Variants in FOXN3 observed in about 807,000 individuals in gnomAD.
The protein encoded by FOXN3 is forkhead box N3.
In FOXN3, 7 loss-of-function variants were observed where a neutral mutation model predicts 38.4. That is an observed-to-expected ratio of 0.18 (90% CI 0.10 to 0.34). The LOEUF is 0.34. Ranked by LOEUF, FOXN3 falls within the 10% of genes least tolerant of loss-of-function variation. The pLI is 1.00. For missense variants in FOXN3, 456 were observed against 613.4 expected (o/e 0.74, Z 2.71); for synonymous variants, 230 against 242.2 (o/e 0.95, Z 0.47).
At chr14:89,320,851 T>C (rs904633396) in intron 3 of FOXN3, among the ~76,000 whole-genome samples, 1 of 152,240 alleles carries the variant, frequency 6.6e-6, no homozygotes, top group Non-Finnish European at 1.5e-5. Flanking sequence ...AGAACTGTTA[T>C]GCTGGCTATA....
chr14:89,487,192 C>T (rs1342085625), intron 1 of FOXN3, among the ~76,000 whole-genome samples: 1 of 152,164 alleles, frequency 6.6e-6, no homozygotes, highest in Non-Finnish European at 1.5e-5. Flanking sequence ...GTTATCAGGC[C>T]ATGGTTAACC....
chr14:89,335,122 C>G (rs1367087614), intron 3 of FOXN3, among the ~76,000 whole-genome samples: 1 of 138,144 alleles, frequency 7.2e-6, no homozygotes, highest in Admixed American at 7.4e-5. Context: ...CACACACACA[C>G]AAATGGTAAC....
intron 4 of FOXN3, among the ~76,000 whole-genome samples, chr14:89,209,304 C>T (rs970783931): frequency 6.6e-6 from 1 of 152,220 alleles, no homozygotes; most frequent in Non-Finnish European, 1.5e-5. Context: ...TGCTCCTTTA[C>T]CTTTCCCCAA....
chr14:89,502,200 T>C (rs1893816104), intron 1 of FOXN3, among the ~76,000 whole-genome samples: 1 of 152,150 alleles, frequency 6.6e-6, no homozygotes, highest in African/African-American at 2.4e-5. Context: ...TAAATGTATG[T>C]GTTTAATGGA....
At chr14:89,295,403 G>A (rs1200622670) in intron 3 of FOXN3, among the ~76,000 whole-genome samples, 1 of 152,130 alleles carries the variant, frequency 6.6e-6, no homozygotes, top group Admixed American at 6.5e-5. Context: ...AGGTATGTGT[G>A]TCTCACCTTA....
chr14:89,359,728 A>G (rs1305760343), intron 2 of FOXN3, among the ~76,000 whole-genome samples: 1 of 152,190 alleles, frequency 6.6e-6, no homozygotes, highest in African/African-American at 2.4e-5. Flanking sequence ...CAAAGGGCTT[A>G]CCACCTGCCA....
intron 4 of FOXN3, among the ~76,000 whole-genome samples, chr14:89,200,105 C>A (rs987851502): frequency 6.6e-5 from 10 of 151,642 alleles, no homozygotes; most frequent in Admixed American, 4.6e-4. Flanking sequence ...CAAACAAACA[C>A]ACACATCTCC....
chr14:89,179,621 AC>A (rs1484226515), intron 5 of FOXN3, among the ~76,000 whole-genome samples: 4 of 152,206 alleles, frequency 2.6e-5, no homozygotes, highest in Non-Finnish European at 5.9e-5. Context: ...CATCCTCAGG[AC>A]ACAAAGCACC....
chr14:89,297,169 T>TA (rs1887064326), intron 3 of FOXN3, among the ~76,000 whole-genome samples: 1 of 152,092 alleles, frequency 6.6e-6, no homozygotes, highest in South Asian at 2.1e-4. Context: ...AGTAACTATA[T>TA]AAGACATTAC....
At chr14:89,595,989 T>A (rs147733311) in intron 1 of FOXN3, among the ~76,000 whole-genome samples, 5 of 152,350 alleles carry the variant, frequency 3.3e-5, no homozygotes, top group African/African-American at 1.2e-4. Flanking sequence ...GCTGCTAATA[T>A]ACTAAATAAC....
At chr14:89,608,764 G>C (rs766903082) in intron 1 of FOXN3, among the ~76,000 whole-genome samples, 1 of 152,170 alleles carries the variant, frequency 6.6e-6, no homozygotes, top group Non-Finnish European at 1.5e-5. Flanking sequence ...TGGGGTAGGC[G>C]AGACAACCTG....
chr14:89,180,967 C>T (rs1887656121), intron 4 of FOXN3, among the ~76,000 whole-genome samples, 161 bp from the exon 5 acceptor site: 1 of 150,480 alleles, frequency 6.6e-6, no homozygotes, highest in Non-Finnish European at 1.5e-5. Context: ...CACACACACA[C>T]ACAGTCACAC....
At chr14:89,200,572 C>T (rs752208671) in intron 4 of FOXN3, among the ~76,000 whole-genome samples, 2 of 152,210 alleles carry the variant, frequency 1.3e-5, no homozygotes, top group Non-Finnish European at 1.5e-5. Flanking sequence ...AAAGGAGTAC[C>T]TTGATACTCC....
At chr14:89,609,699 G>A (rs1896352018) in intron 1 of FOXN3, among the ~76,000 whole-genome samples, 1 of 152,086 alleles carries the variant, frequency 6.6e-6, no homozygotes. Context: ...CTGAGAACAG[G>A]AAGTCTAGCT....
At chr14:89,452,219 T>G (rs1250545768) in intron 1 of FOXN3, among the ~76,000 whole-genome samples, 1 of 152,082 alleles carries the variant, frequency 6.6e-6, no homozygotes, top group Non-Finnish European at 1.5e-5. Context: ...AGGACCAGAC[T>G]CTAAGAACAA....
intron 1 of FOXN3, among the ~76,000 whole-genome samples, chr14:89,511,136 C>CTT (rs147636117): frequency 3.3e-5 from 1 of 30,292 alleles, no homozygotes; most frequent in East Asian, 5.3e-4. Context: ...TTCTTTCTTT[C>CTT]TTTCTTTTCT....
intron 2 of FOXN3, chr14:89,409,502 A>G (rs915055188): frequency 1.3e-5 from 2 of 152,230 alleles, no homozygotes; most frequent in Non-Finnish European, 2.9e-5. Flanking sequence ...AACATTTCAG[A>G]GTGTGCATTT....
intron 1 of FOXN3, among the ~76,000 whole-genome samples, chr14:89,487,664 G>A (rs145567311): frequency 6.6e-6 from 1 of 152,286 alleles, no homozygotes; most frequent in Non-Finnish European, 1.5e-5. Context: ...GTTAGGGATC[G>A]CATCATGGAG....
chr14:89,272,784 CA>C (rs1322758643), intron 4 of FOXN3, among the ~76,000 whole-genome samples: 3 of 152,144 alleles, frequency 2.0e-5, no homozygotes, highest in African/African-American at 7.2e-5. Context: ...ATCTGGGAAG[CA>C]TAAGTTGCAG....
Sources: gnomAD v4.1 joint callset for allele counts (sites outside exome capture counted in the v4.1 genomes callset) on GRCh38, gnomAD v4.1.1 for gene constraint, MANE v1.5 for transcripts, NCBI Gene and HGNC (gene_info 2026-07-23, HGNC 2026-07-21) for gene names.